COL4A4: variants seen among roughly 807,000 people sequenced by gnomAD.
COL4A4 encodes collagen alpha-4(IV) chain.
In COL4A4, 105 loss-of-function variants were observed where a neutral mutation model predicts 192.9. The ratio of observed to expected loss-of-function variants is 0.54; its 90% confidence interval spans 0.46 to 0.64. COL4A4 has a LOEUF of 0.64. COL4A4 is among the 30% of genes least tolerant of loss of function. The pLI is 0.00. For synonymous variants in COL4A4, 762 were observed against 769.9 expected, an observed-to-expected ratio of 0.99 and a Z score of 0.17; for missense variants, 1,967 against 2,169.3, an observed-to-expected ratio of 0.91 and a Z score of 1.85.
intron 12 of COL4A4, among the ~76,000 whole-genome samples, chr2:227,105,900 C>T (rs2150833155): frequency 1.3e-5 from 2 of 152,216 alleles, no homozygotes; most frequent in Middle Eastern, 3.4e-3. Flanking sequence ...ATATTACCTA[C>T]CTCAAACTAT....
In COL4A4 at chr2:227,041,805, G is replaced by GAAGAAAGAAAGA. The variant is rs202002799; in HGVS notation, c.3505+331_3505+342dup. Among the ~76,000 whole-genome samples the GAAGAAAGAAAGA allele has an allele frequency of 8.1e-4, 32 of 39,400 alleles. 1 individual carries two copies. Among genetic ancestry groups the GAAGAAAGAAAGA allele is most frequent in the African/African-American group, 1.1e-3 (11 of 10,420 alleles). The allele number at this position is 39,400 out of a possible 152,430, so 25.8% of individuals were successfully genotyped here. The stretch of plus-strand genomic sequence containing the variant: ...AAGGAAGGGAAAGAAAGAAAGAAAG[G>GAAGAAAGAAAGA]AAGAAAGAAAGAAAGAAAGAAAGAA... On this transcript the variant is annotated intron_variant, in intron 37 of 47. Coordinates refer to ENST00000396625, the MANE Select transcript of COL4A4 (RefSeq NM_000092.5).
At chr2:227,156,290 G>C (rs554086519) in intron 1 of COL4A4, among the ~76,000 whole-genome samples, 2 of 151,722 alleles carry the variant, frequency 1.3e-5, no homozygotes, top group African/African-American at 4.8e-5. Flanking sequence ...TCTCAGCTAC[G>C]TGGGAGGCTG....
rs1429970817 is a variant in COL4A4, at chr2:227,032,044, G to T, written c.3718C>A (p.Pro1240Thr). 1.2e-6 allele frequency: 2 copies of T among 1,614,076 alleles called. No individual in the cohort carries two copies. Among genetic ancestry groups the T allele is most frequent in the Non-Finnish European group, 1.7e-6 (2 of 1,179,938 alleles). Residue 1240 changes from proline to threonine, a missense_variant, in exon 40 of 48, where the codon CCA becomes ACA. Coordinates refer to ENST00000396625, the MANE Select transcript of COL4A4 (RefSeq NM_000092.5). ...CCTGTGGCACCTGCAGGACCAGGTG[G>T]TCCTGAACTCCCTAAGAAGAGACAT... ...GPPGPPGSSG[P>T]PGPAGATGRA...
At chr2:227,029,393 C>A (rs1169120898) in intron 41 of COL4A4, among the ~76,000 whole-genome samples, 1 of 152,216 alleles carries the variant, frequency 6.6e-6, no homozygotes, top group Non-Finnish European at 1.5e-5. Flanking sequence ...GAGCCACATT[C>A]TCTAAAATTG....
chr2:227,112,054 C>CT (rs542775011), intron 8 of COL4A4, among the ~76,000 whole-genome samples: 43 of 152,220 alleles, frequency 2.8e-4, no homozygotes, highest in African/African-American at 1.0e-3. Flanking sequence ...CCTTGCTATG[C>CT]TTTATAAACA....
intron 5 of COL4A4, 54 bp from the exon 6 acceptor site, chr2:227,119,993 G>A: frequency 3.1e-6 from 4 of 1,311,302 alleles, no homozygotes; most frequent in Admixed American, 4.2e-5. Context: ...TTAATAAGCT[G>A]ATTTACTTGA....
At chr2:227,125,203 A>AT (rs925256121) in intron 4 of COL4A4, among the ~76,000 whole-genome samples, 79 of 149,290 alleles carry the variant, frequency 5.3e-4, no homozygotes, top group South Asian at 4.5e-3. Flanking sequence ...AAAATACTTT[A>AT]TTTTTTTTTT....
At chr2:226,973,464 C>A in the COL4A4 span, among the ~76,000 whole-genome samples, 2 of 152,170 alleles carry the variant, frequency 1.3e-5, no homozygotes, top group Non-Finnish European at 2.9e-5. Context: ...ATTGGCTTTG[C>A]CATTTACCCA....
intron 19 of COL4A4, among the ~76,000 whole-genome samples, chr2:227,094,852 T>C (rs2060126541): frequency 6.6e-6 from 1 of 152,184 alleles, no homozygotes; most frequent in Non-Finnish European, 1.5e-5. Flanking sequence ...CAGTGATATC[T>C]CCACAAAGCT....
chr2:227,136,627 T>C (rs1196788144), intron 4 of COL4A4, among the ~76,000 whole-genome samples: 1 of 152,150 alleles, frequency 6.6e-6, no homozygotes, highest in African/African-American at 2.4e-5. Context: ...CACCTCTAAC[T>C]CTAGCTCTCC....
intron 37 of COL4A4, among the ~76,000 whole-genome samples, chr2:227,041,846 A>AAGAAAGAAAGAAAGAGAGAGAGAGAG (rs1559478097): frequency 1.3e-4 from 5 of 39,296 alleles, no homozygotes; most frequent in Admixed American, 2.9e-4. Flanking sequence ...GAAAGAAAGA[A>AAGAAAGAAAGAAAGAGAGAGAGAGAG]AGAGAAAGAA....
At chr2:227,060,339 T>G in intron 26 of COL4A4, 96 bp from the exon 27 acceptor site, 1 of 859,204 alleles carries the variant, frequency 1.2e-6, no homozygotes, top group Non-Finnish European at 1.9e-6. Flanking sequence ...TAAGTCCTTT[T>G]AGAATATTTC....
At chr2:226,986,165 A>G in the COL4A4 span, among the ~76,000 whole-genome samples, 2 of 152,274 alleles carry the variant, frequency 1.3e-5, no homozygotes, top group South Asian at 4.1e-4. Flanking sequence ...GCTACCACTC[A>G]AGACTGTCAA....
the COL4A4 span, among the ~76,000 whole-genome samples, chr2:226,972,041 G>A: frequency 6.6e-5 from 10 of 151,896 alleles, no homozygotes; most frequent in African/African-American, 2.2e-4. Context: ...TAAGCCCCAC[G>A]TGCATTAGGT....
At chr2:226,996,547 C>G in the COL4A4 span, 1 of 152,160 alleles carries the variant, frequency 6.6e-6, no homozygotes, top group Non-Finnish European at 1.5e-5. Context: ...TGATGTCTTA[C>G]TGTCAACAGA....
rs1187224045 is a variant in COL4A4 at position 227,003,054 on chromosome 2, C to G, written c.*4271G>C. Reference sequence around the variant, plus strand: ...GATTTTTAATGTCAATTGTTTGTTCCCTGCAGAACTTACTGATAATGTCCC... The same window carrying G: ...GATTTTTAATGTCAATTGTTTGTTCGCTGCAGAACTTACTGATAATGTCCC... On this transcript the variant is annotated 3_prime_UTR_variant, in exon 48 of 48. Coordinates refer to ENST00000396625, the MANE Select transcript of COL4A4 (RefSeq NM_000092.5). 1 of 152,424 alleles carries G rather than the reference C, an allele frequency of 6.6e-6. No individual in the cohort carries two copies. Among genetic ancestry groups the G allele is most frequent in the Non-Finnish European group, 1.5e-5 (1 of 68,012 alleles). The allele number at this position is 152,424 out of a possible 1,614,324, so 9.4% of individuals were successfully genotyped here. A position where few individuals can be genotyped will look rare whatever the true frequency, so the allele number is the denominator to read the frequency against.
rs139663594 is a variant in COL4A4, at chr2:227,072,385, A to T, written c.1987+5509T>A. Reference sequence around the variant, plus strand: ...AGAAACCTCAAACAAACCAATAACAAGCAGTGAGATTGAATCAGTAATTTT... The same window carrying T: ...AGAAACCTCAAACAAACCAATAACATGCAGTGAGATTGAATCAGTAATTTT... On this transcript the variant is annotated intron_variant, in intron 25 of 47. Transcript: ENST00000396625. Among the ~76,000 whole-genome samples, 744 of 152,156 alleles carry T rather than the reference A, an allele frequency of 4.9e-3. 6 individuals carry two copies. The highest frequency in any genetic ancestry group is 0.017 in the African/African-American group (716 of 41,560).
chr2:226,989,624 G>C, the COL4A4 span, among the ~76,000 whole-genome samples: 1 of 152,112 alleles, frequency 6.6e-6, no homozygotes, highest in Admixed American at 6.5e-5. Context: ...TTTGGGAGGT[G>C]GGGGAATTCT....
intron 45 of COL4A4, among the ~76,000 whole-genome samples, chr2:227,010,861 A>G (rs1189114579): frequency 6.6e-6 from 1 of 152,250 alleles, no homozygotes; most frequent in African/African-American, 2.4e-5. Flanking sequence ...GAAGAAAAGA[A>G]CAAGGACAGT....
Sources: allele counts gnomAD v4.1 joint callset (sites outside exome capture counted in the v4.1 genomes callset), GRCh38; gene constraint gnomAD v4.1.1; transcripts MANE v1.5; gene names NCBI Gene and HGNC (gene_info 2026-07-23, HGNC 2026-07-21).